NRL: variants seen among roughly 807,000 people sequenced by gnomAD.
NRL encodes neural retina-specific leucine zipper protein.
NRL carries 16 observed loss-of-function variants against 12.5 expected under a neutral mutation model. That is an observed-to-expected ratio of 1.28 (90% CI 0.87 to 1.95). The LOEUF (loss-of-function observed/expected upper bound fraction) is 1.95, where lower values mean the gene tolerates loss of function less well. Among genes scored for constraint, NRL ranks in the 30% most tolerant of loss-of-function variants. The pLI, the probability that NRL is intolerant of heterozygous loss-of-function variation, is 0.00. For missense variants in NRL, 314 were observed against 325.8 expected, an observed-to-expected ratio of 0.96 and a Z score of 0.28; for synonymous variants, 142 against 150.9, an observed-to-expected ratio of 0.94 and a Z score of 0.43.
intron 1 of NRL, among the ~76,000 whole-genome samples, chr14:24,088,649 A>G (rs939457335): frequency 1.3e-5 from 2 of 150,482 alleles, no homozygotes; most frequent in African/African-American, 4.9e-5. Context: ...AGCCTGAATT[A>G]TACTTTTTTT....
intron 1 of NRL, chr14:24,099,272 G>T (rs1365988910): frequency 1.0e-5 from 16 of 1,567,622 alleles, no homozygotes; most frequent in African/African-American, 6.7e-5. Flanking sequence ...AGCTGCCGGG[G>T]ACAGGGCAGG....
chr14:24,086,870 G>A (rs772192004), intron 1 of NRL, among the ~76,000 whole-genome samples: 2 of 152,220 alleles, frequency 1.3e-5, no homozygotes, highest in Non-Finnish European at 2.9e-5. Flanking sequence ...AAGGAGCTGG[G>A]GGAGTGAGGG....
intron 1 of NRL, among the ~76,000 whole-genome samples, chr14:24,088,027 C>CA (rs113609852): frequency 2.7e-4 from 40 of 148,854 alleles, no homozygotes; most frequent in African/African-American, 6.9e-4. Context: ...AACCCTGTCT[C>CA]AAAAAAAAAA....
Position 24,094,164 on chromosome 14 carries a change from G to T in NRL, c.-27-11289C>A. The T allele has an allele frequency of 1.8e-6, 1 of 546,460 alleles. No individual in the cohort carries two copies. The allele number at this position is 546,460 out of a possible 1,614,324, so 33.9% of individuals were successfully genotyped here. On this transcript the variant is annotated intron_variant, in intron 1 of 2. Coordinates refer to ENST00000561028, the MANE Select transcript of NRL (RefSeq NM_001354768.3). The surrounding 1 kb of genome is among the most constrained non-coding windows in gnomAD (Gnocchi z 4.1). ...GCGGTTTGGAGGCAGGGGTTGGGGC[G>T]GCGGCTGGGCTGACCTGGAGCCTGG... is the stretch of plus-strand genomic sequence containing the variant.
chr14:24,099,591 C>A (rs542065340), intron 1 of NRL: 13 of 1,608,550 alleles, frequency 8.1e-6, no homozygotes, highest in Non-Finnish European at 1.1e-5. Context: ...AGGGAAGAAG[C>A]GCTATGTGGC....
intron 1 of NRL, among the ~76,000 whole-genome samples, chr14:24,106,698 G>A (rs1192785325): frequency 6.6e-6 from 1 of 150,604 alleles, no homozygotes; most frequent in Non-Finnish European, 1.5e-5. Flanking sequence ...TCCAGCCTAG[G>A]CGACAGAGTG....
At chr14:24,113,457 G>A (rs966013877) in intron 1 of NRL, among the ~76,000 whole-genome samples, 1 of 152,140 alleles carries the variant, frequency 6.6e-6, no homozygotes, top group Non-Finnish European at 1.5e-5. Flanking sequence ...CGATTTTCCA[G>A]GCTGGATAAC....
chr14:24,083,656 A>G (rs967218002), intron 1 of NRL, among the ~76,000 whole-genome samples: 1 of 152,158 alleles, frequency 6.6e-6, no homozygotes, highest in Admixed American at 6.5e-5. Context: ...CTTCTGTTCA[A>G]TGAGGGCAGT....
rs569332440 is a variant in NRL, at chr14:24,081,137, A to C, written c.*99T>G. On this transcript the variant is annotated 3_prime_UTR_variant, in exon 3 of 3. Transcript: ENST00000561028. This position sits in a 1 kb window ranked among gnomAD's most constrained non-coding sequence, Gnocchi z 4.4. ...GGTCATACAGGGCGTGGCTAGGACC[A>C]GAAGGCGCTCTGGTAACGATGCAGA... is the stretch of plus-strand genomic sequence containing the variant. 1 of 860,148 alleles carries C rather than the reference A, an allele frequency of 1.2e-6. No individual in the cohort carries two copies. Among genetic ancestry groups the C allele is most frequent in the South Asian group, 4.2e-5 (1 of 23,564 alleles). 53.3% of individuals were successfully genotyped at this position (860,148 alleles called of 1,614,324 possible). A position where few individuals can be genotyped will look rare whatever the true frequency, so the allele number is the denominator to read the frequency against.
rs899467236 is a variant in NRL at position 24,079,868 on chromosome 14, A to C, written c.*1368T>G. On this transcript the variant is annotated 3_prime_UTR_variant, in exon 3 of 3. Transcript: ENST00000561028. ...TTACCATGGAAACTGTGAGACCTGG[A>C]TAGCCACTGACAGGCCGAGCTGGGC... Among the ~76,000 whole-genome samples, 3 of 152,250 alleles carry C rather than the reference A, an allele frequency of 2.0e-5. No individual in the cohort carries two copies. The highest frequency in any genetic ancestry group is 3.4e-3 in the Middle Eastern group (1 of 294).
At chr14:24,092,843 G>A (rs762732561) in intron 1 of NRL, among the ~76,000 whole-genome samples, 23 of 152,224 alleles carry the variant, frequency 1.5e-4, no homozygotes, top group Non-Finnish European at 2.6e-4. Flanking sequence ...CTGAAATCAG[G>A]AATCCATTGC....
intron 1 of NRL, chr14:24,100,315 GA>G (rs2037111881): frequency 6.5e-7 from 1 of 1,529,562 alleles, no homozygotes; most frequent in African/African-American, 1.4e-5. Context: ...GGACTGCCAG[GA>G]GGCACAGAAG....
chr14:24,103,011 G>C, intron 1 of NRL: 1 of 1,280,992 alleles, frequency 7.8e-7, no homozygotes, highest in Non-Finnish European at 1.1e-6. Context: ...GTTCTCCCCT[G>C]GTGAATGCAA....
rs576492525 is a variant in NRL, at chr14:24,084,819, C to T, written c.-27-1944G>A. On this transcript the variant is annotated intron_variant, in intron 1 of 2. Transcript: ENST00000561028. ...CTCAAAGAAGGAAAGGGAGCATCTT[C>T]CCCAACAAAGCTCCTCACTGATGAT... 3.8e-5 allele frequency: 24 copies of T among 625,790 alleles called. No individual in the cohort carries two copies. In the South Asian group the frequency reaches 1.6e-3, roughly 41 times the overall value. The allele number at this position is 625,790 out of a possible 1,614,324, so 38.8% of individuals were successfully genotyped here. A position where few individuals can be genotyped will look rare whatever the true frequency, so the allele number is the denominator to read the frequency against.
At chr14:24,092,471 T>A (rs1302098033) in intron 1 of NRL, among the ~76,000 whole-genome samples, 1 of 152,156 alleles carries the variant, frequency 6.6e-6, no homozygotes, top group Non-Finnish European at 1.5e-5. Flanking sequence ...GGTGCAGGAT[T>A]ATGGAGAAGA....
chr14:24,099,557 G>A, intron 1 of NRL: 2 of 1,587,348 alleles, frequency 1.3e-6, no homozygotes, highest in Non-Finnish European at 1.7e-6. Flanking sequence ...CCAATGCACA[G>A]ATCCTGGGCA....
Position 24,105,736 on chromosome 14 carries a change from C to T in NRL, c.-28+8986G>A, listed in dbSNP as rs111497942. The stretch of plus-strand genomic sequence containing the variant: ...GAGTTCAAGACCAGCGTGGCCAACA[C>T]GGTGAAACCCCTTCTCTACAAAAAT... On this transcript the variant is annotated intron_variant, in intron 1 of 2. Transcript: ENST00000561028. Among the ~76,000 whole-genome samples the T allele has an allele frequency of 1.2e-3, 189 of 152,246 alleles. 3 individuals are homozygous for T. The highest frequency in any genetic ancestry group is 1.7e-3 in the South Asian group (8 of 4,822).
At chr14:24,101,218 G>A (rs747295030) in intron 1 of NRL, among the ~76,000 whole-genome samples, 53 of 152,220 alleles carry the variant, frequency 3.5e-4, no homozygotes, top group Non-Finnish European at 6.5e-4. Flanking sequence ...AGATTTGGGG[G>A]CATAACTAGG....
At chr14:24,099,320 T>A in intron 1 of NRL, 3 of 1,321,950 alleles carry the variant, frequency 2.3e-6, no homozygotes, top group Non-Finnish European at 3.1e-6. Flanking sequence ...CTCACCTCCC[T>A]CCTGCCAGGT....
Sources: allele counts gnomAD v4.1 joint callset (sites outside exome capture counted in the v4.1 genomes callset), GRCh38; gene constraint gnomAD v4.1.1; non-coding constraint Gnocchi (gnomAD v3.1); transcripts MANE v1.5; gene names NCBI Gene and HGNC (gene_info 2026-07-23, HGNC 2026-07-21).